Variants in SULT6B1 observed in about 807,000 individuals in gnomAD.
The protein encoded by SULT6B1 is sulfotransferase family 6B member 1, also known as sulfotransferase 6B1.
In SULT6B1, 44 loss-of-function variants were observed where a neutral mutation model predicts 37.2. That is an observed-to-expected ratio of 1.18 (90% CI 0.93 to 1.52). The LOEUF is 1.52. Ranked by LOEUF, SULT6B1 falls within the 40% of genes most tolerant of loss-of-function variation. SULT6B1 has a pLI of 0.00. For synonymous variants in SULT6B1, 140 were observed against 126.0 expected, an observed-to-expected ratio of 1.11 and a Z score of -0.74; for missense variants, 450 against 361.0, an observed-to-expected ratio of 1.25 and a Z score of -2.00.
upstream of SULT6B1, chr2:37,188,784 C>T (rs1474341222): frequency 2.1e-6 from 1 of 485,500 alleles, no homozygotes; most frequent in African/African-American, 2.0e-5. Context: ...CCCTCCCTCA[C>T]TATTACATAT....
chr2:37,175,070 G>T, intron 5 of SULT6B1, 62 bp downstream of exon 5: 2 of 924,262 alleles, frequency 2.2e-6, no homozygotes, highest in Non-Finnish European at 1.6e-6. Flanking sequence ...GACATTATAA[G>T]TAAGTGCTCT....
intron 5 of SULT6B1, among the ~76,000 whole-genome samples, chr2:37,173,996 C>A (rs1421978835): frequency 6.6e-6 from 1 of 152,160 alleles, no homozygotes; most frequent in Non-Finnish European, 1.5e-5. Flanking sequence ...ATACTCCATC[C>A]TACCTCCTTG....
chr2:37,181,499 C>A (rs1676548764), intron 3 of SULT6B1, among the ~76,000 whole-genome samples: 1 of 152,038 alleles, frequency 6.6e-6, no homozygotes, highest in South Asian at 2.1e-4. Context: ...TCCATCTCAG[C>A]CTCCCAAGTA....
intron 5 of SULT6B1, among the ~76,000 whole-genome samples, chr2:37,172,342 T>A (rs953708935): frequency 6.6e-6 from 1 of 152,160 alleles, no homozygotes; most frequent in African/African-American, 2.4e-5. Context: ...AGTTCCTAAA[T>A]CTATTTGAAT....
In SULT6B1 at chr2:37,170,724, C is replaced by T. The variant is rs1676274786; in HGVS notation, c.781+710G>A. Among the ~76,000 whole-genome samples, 4 of 114,910 alleles carry T rather than the reference C, an allele frequency of 3.5e-5. No homozygotes were observed. In the Admixed American group the frequency reaches 4.4e-4, roughly 13 times the overall value. 75.4% of individuals were successfully genotyped at this position (114,910 alleles called of 152,430 possible). Reference sequence around the variant, plus strand: ...CTGCATTCCAGCCTGGGCAACACAGCAAGATTCTGTCTCAAAAAAAAAAAA... The same window carrying T: ...CTGCATTCCAGCCTGGGCAACACAGTAAGATTCTGTCTCAAAAAAAAAAAA... On this transcript the variant is annotated intron_variant, in intron 6 of 6. Coordinates refer to ENST00000535679, the MANE Select transcript of SULT6B1 (RefSeq NM_001367551.1).
chr2:37,184,682 A>C (rs1204710808), intron 2 of SULT6B1, among the ~76,000 whole-genome samples: 1 of 152,246 alleles, frequency 6.6e-6, no homozygotes, highest in Non-Finnish European at 1.5e-5. Context: ...AATACAAAAA[A>C]TTAGCTGGGC....
intron 3 of SULT6B1, among the ~76,000 whole-genome samples, chr2:37,180,458 C>T (rs185238330): frequency 6.6e-6 from 1 of 152,306 alleles, no homozygotes; most frequent in Non-Finnish European, 1.5e-5. Flanking sequence ...GCAACATGGA[C>T]CCTCTAAGAA....
chr2:37,187,426 C>G lies in SULT6B1; in HGVS notation c.241G>C (p.Ala81Pro), dbSNP rs940808482. Residue 81 changes from alanine (A) to proline (P), a missense_variant, in exon 2 of 7, where the codon GCT (alanine) becomes CCT (proline). Physicochemically the swap from Ala to Pro is conservative, Grantham distance 27 (BLOSUM62 -1). Coordinates refer to ENST00000535679, the MANE Select transcript of SULT6B1 (RefSeq NM_001367551.1). ...ILHIVSELIY[A>P]VSKKKYKYPE... Reference sequence around the variant, plus strand: ...TATTTATACTTTTTTTTAGAAACAGCATATATTAATTCACTGACAATGTGG... The same window carrying G: ...TATTTATACTTTTTTTTAGAAACAGGATATATTAATTCACTGACAATGTGG... 1.6e-5 allele frequency: 26 copies of G among 1,607,054 alleles called. No homozygotes were observed. Among genetic ancestry groups the G allele is most frequent in the Non-Finnish European group, 2.2e-5 (26 of 1,175,628 alleles).
chr2:37,185,595 A>C (rs1337419732), intron 2 of SULT6B1, among the ~76,000 whole-genome samples: 1 of 151,594 alleles, frequency 6.6e-6, no homozygotes, highest in African/African-American at 2.4e-5. Context: ...GCGCACACCT[A>C]TAATCCCAGC....
At chr2:37,187,154 C>T (rs987534223) in intron 2 of SULT6B1, among the ~76,000 whole-genome samples, 1 of 152,210 alleles carries the variant, frequency 6.6e-6, no homozygotes, top group African/African-American at 2.4e-5. Context: ...CCTAGCATTT[C>T]TATCTTTTGT....
chr2:37,187,332 G>T (rs749443681), intron 2 of SULT6B1, 23 bp downstream of exon 2: 2 of 1,420,490 alleles, frequency 1.4e-6, no homozygotes, highest in South Asian at 1.2e-5. Context: ...TTTGCTGTAA[G>T]GTTAAAGGCT....
chr2:37,191,158 A>G (rs1366672164), upstream of SULT6B1: 1 of 151,560 alleles, frequency 6.6e-6, no homozygotes, highest in African/African-American at 2.4e-5. Context: ...GACACTTACA[A>G]TGAGATCTCA....
upstream of SULT6B1, among the ~76,000 whole-genome samples, chr2:37,193,633 GAA>G (rs1676831349): frequency 8.0e-5 from 12 of 150,816 alleles, no homozygotes; most frequent in African/African-American, 2.9e-4. Flanking sequence ...AGAAGAAGAA[GAA>G]GAAGAAGAAG....
chr2:37,174,695 G>A (rs760871624), intron 5 of SULT6B1, among the ~76,000 whole-genome samples: 1 of 152,026 alleles, frequency 6.6e-6, no homozygotes, highest in Non-Finnish European at 1.5e-5. Context: ...ACAGGGCAGC[G>A]ATCTTTGCCT....
chr2:37,194,092 G>A (rs1228171975), intron 1 of SULT6B1, among the ~76,000 whole-genome samples: 5 of 151,720 alleles, frequency 3.3e-5, no homozygotes, highest in African/African-American at 7.3e-5. Flanking sequence ...CTGTTTTTTC[G>A]TGAAAGAAAT....
chr2:37,192,624 T>C (rs572369325), upstream of SULT6B1, among the ~76,000 whole-genome samples: 57 of 152,340 alleles, frequency 3.7e-4, 1 homozygote, highest in South Asian at 0.012. Context: ...ACTGAACTCC[T>C]TGCCAATCTG....
Position 37,194,921 on chromosome 2 carries a change from C to T in SULT6B1, c.-22+1595G>A, listed in dbSNP as rs137996261. Among the ~76,000 whole-genome samples the T allele has an allele frequency of 8.4e-3, 409 of 48,540 alleles. 4 individuals carry two copies. Among genetic ancestry groups the T allele is most frequent in the African/African-American group, 0.045 (363 of 8,140 alleles). 31.8% of individuals were successfully genotyped at this position (48,540 alleles called of 152,430 possible). A position where few individuals can be genotyped will look rare whatever the true frequency, so the allele number is the denominator to read the frequency against. The stretch of plus-strand genomic sequence containing the variant: ...CTTTCCTTCCTTCCTTCCTTCCTTC[C>T]TTCCTTCCTTCCTTCCTTCCTTCCT... On this transcript the variant is annotated intron_variant, in intron 1 of 7. Transcript: ENST00000407963.
chr2:37,183,372 T>A (rs11569751), intron 3 of SULT6B1, 53 bp downstream of exon 3: 2 of 1,382,210 alleles, frequency 1.4e-6, no homozygotes, highest in African/African-American at 2.9e-5. Flanking sequence ...TTCCAAAAAC[T>A]AATATCTATA....
intron 4 of SULT6B1, among the ~76,000 whole-genome samples, chr2:37,176,173 C>G (rs1478587345): frequency 6.6e-6 from 1 of 151,192 alleles, no homozygotes; most frequent in African/African-American, 2.4e-5. Flanking sequence ...GATTCCTCAA[C>G]TGTAAAATGG....
Sources: gnomAD v4.1 joint callset for allele counts (sites outside exome capture counted in the v4.1 genomes callset) on GRCh38, gnomAD v4.1.1 for gene constraint, MANE v1.5 for transcripts, NCBI Gene and HGNC (gene_info 2026-07-23, HGNC 2026-07-21) for gene names.